The following SOCS7 variants were observed in gnomAD, a reference collection of about 807,000 sequenced individuals.
SOCS7 encodes NAP-4.
In SOCS7, 18 loss-of-function variants were observed where a neutral mutation model predicts 58.9. The observed-to-expected ratio is 0.31, with a 90% CI of 0.21 to 0.45. The LOEUF (loss-of-function observed/expected upper bound fraction) is 0.45. Ranked by LOEUF, SOCS7 falls within the 20% of genes least tolerant of loss-of-function variation. The pLI is 1.00. For synonymous variants in SOCS7, 388 were observed against 364.3 expected, an observed-to-expected ratio of 1.06 and a Z score of -0.74; for missense variants, 667 against 837.3, an observed-to-expected ratio of 0.80 and a Z score of 2.51.
chr17:38,389,865 GTACA>G (rs1234044886), intron 7 of SOCS7, among the ~76,000 whole-genome samples: 3 of 26,896 alleles, frequency 1.1e-4, no homozygotes, highest in African/African-American at 2.1e-4. Context: ...GTGTATGTGT[GTACA>G]TATATATATA....
chr17:38,390,638 G>A (rs1017511787), intron 7 of SOCS7, among the ~76,000 whole-genome samples: 40 of 127,522 alleles, frequency 3.1e-4, no homozygotes, highest in Non-Finnish European at 5.6e-4. Flanking sequence ...TCTTTTGTTC[G>A]TTTTCCTTCC....
At chr17:38,383,422 C>T (rs529722141) in intron 7 of SOCS7, among the ~76,000 whole-genome samples, 1 of 152,178 alleles carries the variant, frequency 6.6e-6, no homozygotes, top group Non-Finnish European at 1.5e-5. Flanking sequence ...AGGTGGTACC[C>T]AAGATAATAT....
chr17:38,365,339 C>G lies in SOCS7; in HGVS notation c.1182C>G (p.Val394=). The G allele has an allele frequency of 6.2e-7, 1 of 1,613,108 alleles. No homozygotes were observed. The highest frequency in any genetic ancestry group is 1.3e-5 in the African/African-American group (1 of 75,006). Residue 394 remains valine, a synonymous_variant, in exon 4 of 10, where the codon GTC becomes GTG. Coordinates refer to ENST00000612932, the MANE Select transcript of SOCS7 (RefSeq NM_014598.4). ...TCAGTGGGACGCTGCCTACATCTGT[C>G]CTTGTGGCTCCGATGGGGTCTTCCT... ...DDISGTLPTS[V]LVAPMGSSLQ...
intron 7 of SOCS7, among the ~76,000 whole-genome samples, chr17:38,383,154 G>A (rs2038024764): frequency 6.6e-6 from 1 of 152,186 alleles, no homozygotes; most frequent in African/African-American, 2.4e-5. Context: ...GGTCCTGCCA[G>A]TTACTAGCTC....
At chr17:38,382,580 C>T (rs1353697263) in intron 7 of SOCS7, among the ~76,000 whole-genome samples, 3 of 152,090 alleles carry the variant, frequency 2.0e-5, no homozygotes, top group Non-Finnish European at 4.4e-5. Flanking sequence ...CCTCCGCCTC[C>T]CGAGTTCAAA....
At chr17:38,395,735 A>C in intron 8 of SOCS7, 113 bp from the exon 9 acceptor site, 1 of 1,069,894 alleles carries the variant, frequency 9.3e-7, no homozygotes, top group South Asian at 1.4e-5. Flanking sequence ...GAAAATGGGG[A>C]TTGTGTTAGG....
intron 6 of SOCS7, among the ~76,000 whole-genome samples, chr17:38,371,297 C>T (rs142853759): frequency 0.033 from 4,860 of 147,018 alleles, 131 homozygotes; most frequent in Non-Finnish European, 0.05. Flanking sequence ...TTTTTTGAGA[C>T]GGAGTCTCGC....
At chr17:38,389,908 G>GTACATATATATAT (rs2038146914) in intron 7 of SOCS7, among the ~76,000 whole-genome samples, 1 of 6,798 alleles carries the variant, frequency 1.5e-4, no homozygotes, top group Non-Finnish European at 3.6e-4. Context: ...TACACATATA[G>GTACATATATATAT]AGAGAGAGAG....
intron 7 of SOCS7, 42 bp downstream of exon 7, chr17:38,377,884 A>G (rs774784343): frequency 6.3e-6 from 10 of 1,595,712 alleles, no homozygotes; most frequent in Middle Eastern, 2.1e-4. Context: ...TAAGTTGGGT[A>G]TGATCCAGTT....
At chr17:38,377,882 G>A in intron 7 of SOCS7, 40 bp downstream of exon 7, 2 of 1,594,884 alleles carry the variant, frequency 1.3e-6, no homozygotes, top group Non-Finnish European at 1.7e-6. Flanking sequence ...CTTAAGTTGG[G>A]TATGATCCAG....
chr17:38,353,184 G>A (rs2037584301), intron 1 of SOCS7, 152 bp downstream of exon 1: 3 of 713,432 alleles, frequency 4.2e-6, no homozygotes, highest in Middle Eastern at 3.8e-4. Context: ...CTCGCATAAG[G>A]TCAGCGCTAA....
At chr17:38,384,660 C>T (rs1313846525) in intron 7 of SOCS7, among the ~76,000 whole-genome samples, 1 of 151,808 alleles carries the variant, frequency 6.6e-6, no homozygotes, top group Admixed American at 6.6e-5. Flanking sequence ...GGTGCGATCT[C>T]GGCTCACTGC....
chr17:38,376,358 T>C (rs1244608884), intron 6 of SOCS7, among the ~76,000 whole-genome samples: 1 of 152,112 alleles, frequency 6.6e-6, no homozygotes, highest in Non-Finnish European at 1.5e-5. Context: ...GAAACCAGCA[T>C]ACCCAGAGAA....
intron 7 of SOCS7, among the ~76,000 whole-genome samples, chr17:38,388,471 A>G (rs959391462): frequency 1.3e-5 from 2 of 152,120 alleles, no homozygotes; most frequent in Non-Finnish European, 2.9e-5. Context: ...GTAAGCTGAG[A>G]TCACACCACT....
Position 38,404,526 on chromosome 17 carries a change from C to T in SOCS7, c.*5044C>T, listed in dbSNP as rs1226817267. The T allele has an allele frequency of 6.6e-6, 1 of 152,256 alleles. No homozygotes were observed. Among genetic ancestry groups the T allele is most frequent in the African/African-American group, 2.4e-5 (1 of 41,452 alleles). 9.4% of individuals were successfully genotyped at this position (152,256 alleles called of 1,614,324 possible). The stretch of plus-strand genomic sequence containing the variant: ...CCGTTCCCTTTCCCTCTCCTACCCC[C>T]TCCTCTGCAACACCAAGAGGCCTGG... On this transcript the variant is annotated 3_prime_UTR_variant, in exon 10 of 10. Coordinates refer to ENST00000612932, the MANE Select transcript of SOCS7 (RefSeq NM_014598.4).
chr17:38,376,415 G>A (rs1416107897), intron 6 of SOCS7, among the ~76,000 whole-genome samples: 2 of 152,056 alleles, frequency 1.3e-5, no homozygotes, highest in East Asian at 3.9e-4. Flanking sequence ...GTCCTGGCCG[G>A]AAATCAATTT....
At chr17:38,381,702 G>A (rs565209334) in intron 7 of SOCS7, among the ~76,000 whole-genome samples, 2 of 151,852 alleles carry the variant, frequency 1.3e-5, no homozygotes, top group African/African-American at 2.4e-5. Context: ...AGTGGCTCAC[G>A]CCTGTAATCC....
chr17:38,360,423 C>G lies in SOCS7; in HGVS notation c.981-1288C>G, dbSNP rs587733979. On this transcript the variant is annotated intron_variant, in intron 1 of 9. Transcript: ENST00000612932. ...TGCCAGGCTGGTCTCGGGCTCCTGA[C>G]CTTGTGATCTGCCCACCTTGGCCTC... Among the ~76,000 whole-genome samples, 3 of 151,984 alleles carry G rather than the reference C, an allele frequency of 2.0e-5. No homozygotes were observed. The East Asian group carries it at 5.8e-4, about 30-fold the overall frequency.
intron 7 of SOCS7, 93 bp downstream of exon 7, chr17:38,377,935 A>T: frequency 7.7e-7 from 1 of 1,294,998 alleles, no homozygotes; most frequent in Middle Eastern, 2.7e-4. Flanking sequence ...GCCATGGTTA[A>T]GCTTTTTTTC....
Sources: allele counts gnomAD v4.1 joint callset (sites outside exome capture counted in the v4.1 genomes callset), GRCh38; gene constraint gnomAD v4.1.1; transcripts MANE v1.5; gene names NCBI Gene and HGNC (gene_info 2026-07-23, HGNC 2026-07-21).